The following CABLES2 variants were observed in gnomAD, a reference collection of about 807,000 sequenced individuals.
The protein encoded by CABLES2 is Cdk5 and Abl enzyme substrate 2.
Under a neutral mutation model 44.8 loss-of-function variants are expected in CABLES2, and 35 were observed. The observed-to-expected ratio is 0.78, with a 90% confidence interval of 0.60 to 1.04. The LOEUF is 1.04. Ranked by LOEUF, CABLES2 falls within the 50% of genes least tolerant of loss-of-function variation. The pLI is 0.00. For synonymous variants in CABLES2, 282 were observed against 281.1 expected, an observed-to-expected ratio of 1.00 and a Z score of -0.03; for missense variants, 566 against 615.7, an observed-to-expected ratio of 0.92 and a Z score of 0.85.
rs1423656050 is a variant in CABLES2, at chr20:62,396,539, C to A, written c.416G>T (p.Gly139Val). ...CSLEFLEDAV[G>V]CAPAQRTKHT... The stretch of plus-strand genomic sequence containing the variant: ...CGTGTACCTCTGTGCTGGAGCGCAT[C>A]CCACGGCATCTTCCAGAAACTCCAG... Residue 139 changes from glycine (G) to valine (V), a missense_variant, in exon 2 of 10, where the codon GGA becomes GTA. Gly to Val is a moderately radical substitution (Grantham distance 109). Around this residue, in one of 2 missense-constraint regions of CABLES2, gnomAD observed 436 missense variants for 536.3 expected, o/e 0.81. Transcript: ENST00000279101. This position sits in a 1 kb window ranked among gnomAD's most constrained non-coding sequence, Gnocchi z 5.7. 6.2e-7 allele frequency: 1 copy of A among 1,613,676 alleles called. No homozygotes were observed. Among genetic ancestry groups the A allele is most frequent in the Non-Finnish European group, 8.5e-7 (1 of 1,179,958 alleles).
At chr20:62,398,402 T>C (rs1228958241) in intron 1 of CABLES2, among the ~76,000 whole-genome samples, 1 of 145,468 alleles carries the variant, frequency 6.9e-6, no homozygotes, top group Non-Finnish European at 1.5e-5. Flanking sequence ...TGCAGGGTGC[T>C]GTGTGGTTTA....
chr20:62,393,949 G>A lies in CABLES2; in HGVS notation c.714+208C>T, dbSNP rs372172090. ...CACCTGGCTGTGGGGCAGTGGCGCA[G>A]ACCTCAGGCACGGCCAGGCGGGGGA... On this transcript the variant is annotated intron_variant, in intron 5 of 9. Coordinates refer to ENST00000279101, the MANE Select transcript of CABLES2 (RefSeq NM_031215.3). 3.3e-5 allele frequency among the ~76,000 whole-genome samples: 5 copies of A among 152,328 alleles called. No homozygotes were observed. The South Asian group carries it at 8.3e-4, about 25-fold the overall frequency.
In CABLES2 at chr20:62,390,933, G is replaced by A; in HGVS notation, c.*38C>T. On this transcript the variant is annotated 3_prime_UTR_variant, in exon 10 of 10. Transcript: ENST00000279101. ...AGTGGGACACCTCCCAGGCCGGCAA[G>A]TGCACCTCGGTGCCCTGAGCCTTCT... is the stretch of plus-strand genomic sequence containing the variant. 6.2e-6 allele frequency: 10 copies of A among 1,607,342 alleles called. No homozygotes were observed. Among genetic ancestry groups the A allele is most frequent in the Non-Finnish European group, 8.5e-6 (10 of 1,174,676 alleles).
intron 5 of CABLES2, 105 bp from the exon 6 acceptor site, chr20:62,393,710 T>G: frequency 7.8e-7 from 1 of 1,280,910 alleles, no homozygotes; most frequent in Non-Finnish European, 1.1e-6. Flanking sequence ...GAGCCCTGCA[T>G]GGAAAATGAA....
intron 1 of CABLES2, among the ~76,000 whole-genome samples, chr20:62,398,202 G>GGTGGTGATGGTGA (rs879730947): frequency 1.8e-5 from 2 of 112,556 alleles, no homozygotes; most frequent in Non-Finnish European, 3.7e-5. Context: ...GATGATGGTG[G>GGTGGTGATGGTGA]TGATGGTGAT....
At chr20:62,393,214 G>T (rs954092556) in intron 6 of CABLES2, among the ~76,000 whole-genome samples, 191 bp from the exon 7 acceptor site, 1 of 152,278 alleles carries the variant, frequency 6.6e-6, no homozygotes, top group Non-Finnish European at 1.5e-5. Context: ...CCTCCCTGGA[G>T]TCATCTGTGG....
intron 1 of CABLES2, among the ~76,000 whole-genome samples, chr20:62,399,792 C>T (rs1988155311): frequency 6.6e-6 from 1 of 151,768 alleles, no homozygotes; most frequent in South Asian, 2.1e-4. Flanking sequence ...TGGGGTTTCA[C>T]CATGTTGGCC....
chr20:62,397,523 C>T (rs1988041589), intron 1 of CABLES2, among the ~76,000 whole-genome samples: 1 of 152,228 alleles, frequency 6.6e-6, no homozygotes, highest in South Asian at 2.1e-4. Context: ...ATGCCCACTG[C>T]TCCTCAGACC....
intron 3 of CABLES2, among the ~76,000 whole-genome samples, chr20:62,395,403 A>C (rs887696193): frequency 6.6e-6 from 1 of 152,050 alleles, no homozygotes; most frequent in Non-Finnish European, 1.5e-5. Context: ...GGCGAGGCCA[A>C]GGGCTGCCTC....
intron 1 of CABLES2, among the ~76,000 whole-genome samples, chr20:62,398,840 C>A (rs1301712390): frequency 2.0e-5 from 3 of 152,268 alleles, no homozygotes; most frequent in Non-Finnish European, 2.9e-5. Context: ...GACAACCACA[C>A]CCATTTATCA....
chr20:62,393,717 TGAAGG>T, intron 5 of CABLES2, 112 bp from the exon 6 acceptor site: 1 of 1,176,936 alleles, frequency 8.5e-7, no homozygotes, highest in Non-Finnish European at 1.2e-6. Context: ...GCATGGAAAA[TGAAGG>T]GAACAACTCA....
At position 62,388,818 on chromosome 20, in the gene CABLES2, C is replaced by T. The variant is rs1292553761; in HGVS notation, c.*2153G>A. 1.5e-5 allele frequency: 5 copies of T among 340,268 alleles called. No individual in the cohort carries two copies. Among genetic ancestry groups the T allele is most frequent in the East Asian group, 1.4e-4 (2 of 14,300 alleles). The allele number at this position is 340,268 out of a possible 1,614,324, so 21.1% of individuals were successfully genotyped here. ...GTCACAGCCGAGCTGAACACCTTAG[C>T]TCCGACACCTGGATGTGTTCTAGAG... On this transcript the variant is annotated 3_prime_UTR_variant, in exon 10 of 10. Transcript: ENST00000279101.
At chr20:62,395,687 C>T (rs1298045479) in intron 3 of CABLES2, among the ~76,000 whole-genome samples, 6 of 152,376 alleles carry the variant, frequency 3.9e-5, no homozygotes, top group East Asian at 1.9e-4. Flanking sequence ...CTGGCACTCA[C>T]GTCTGCTGGG....
rs374972236 is a variant in CABLES2, at chr20:62,390,408, G to A, written c.*563C>T. ...CAGTGAGGTGGGCGGAGAAAGCTCT[G>A]GAGGAGCTCGGCTTCAGGTGGCAGG... is the stretch of plus-strand genomic sequence containing the variant. On this transcript the variant is annotated 3_prime_UTR_variant, in exon 10 of 10. Coordinates refer to ENST00000279101, the MANE Select transcript of CABLES2 (RefSeq NM_031215.3). The A allele has an allele frequency of 6.4e-6, 1 of 155,114 alleles. No homozygotes were observed. The highest frequency in any genetic ancestry group is 1.9e-4 in the East Asian group (1 of 5,242). 9.6% of individuals were successfully genotyped at this position (155,114 alleles called of 1,614,324 possible).
rs1569017498 is a variant in CABLES2, at chr20:62,398,074, T to TGGTGGTGGTGGTGATGGTGGTGGC, written c.363-1483_363-1482insGCCACCACCATCACCACCACCACC. On this transcript the variant is annotated intron_variant, in intron 1 of 9. Coordinates refer to ENST00000279101, the MANE Select transcript of CABLES2 (RefSeq NM_031215.3). ...GTGATGGCGATGGTGGTGGTGACGG[T>TGGTGGTGGTGGTGATGGTGGTGGC]GGTGGTGGTGGTGACGGTGGTGGTG... is the stretch of plus-strand genomic sequence containing the variant. Among the ~76,000 whole-genome samples the TGGTGGTGGTGGTGATGGTGGTGGC allele has an allele frequency of 7.7e-5, 3 of 39,200 alleles. 1 individual carries two copies. In the East Asian group the frequency reaches 2.9e-3, roughly 38 times the overall value. The allele number at this position is 39,200 out of a possible 152,430, so 25.7% of individuals were successfully genotyped here.
Position 62,388,732 on chromosome 20 carries a change from T to C in CABLES2, c.*2239A>G, listed in dbSNP as rs567943240. On this transcript the variant is annotated 3_prime_UTR_variant, in exon 10 of 10. Transcript: ENST00000279101. ...CATTCTGAGGTCTGATACTTGCTTATGCACACTGACATCCACAACTGCTAC... is the reference window on the plus strand; with the variant it reads ...CATTCTGAGGTCTGATACTTGCTTACGCACACTGACATCCACAACTGCTAC... 44 of 541,786 alleles carry C rather than the reference T, an allele frequency of 8.1e-5. 1 individual carries two copies. The Admixed American group carries it at 1.2e-3, about 15-fold the overall frequency. The allele number at this position is 541,786 out of a possible 1,614,324, so 33.6% of individuals were successfully genotyped here.
chr20:62,392,395 A>C lies in CABLES2; in HGVS notation c.1085T>G (p.Ile362Ser). The C allele has an allele frequency of 6.2e-7, 1 of 1,613,150 alleles. No individual in the cohort carries two copies. Among genetic ancestry groups the C allele is most frequent in the Non-Finnish European group, 8.5e-7 (1 of 1,179,370 alleles). Reference sequence around the variant, plus strand: ...TCTGAGAGGGTGTCCTCACCTCCTGATTTTGCTCAGCGTCAGTTTGACATG... The same window carrying C: ...TCTGAGAGGGTGTCCTCACCTCCTGCTTTTGCTCAGCGTCAGTTTGACATG... Reference protein sequence around the residue: ...FPHVKLTLSKIRSLKREMRSL... With the variant: ...FPHVKLTLSKSRSLKREMRSL... Residue 362 changes from isoleucine (I) to serine (S), a missense_variant, in exon 8 of 10, where the codon ATC (isoleucine) becomes AGC (serine). Ile to Ser is a moderately radical substitution (Grantham distance 142, BLOSUM62 -2). Coordinates refer to ENST00000279101, the MANE Select transcript of CABLES2 (RefSeq NM_031215.3).
At chr20:62,392,518 T>C (rs1987938367) in intron 7 of CABLES2, 23 bp from the exon 8 acceptor site, 2 of 1,561,676 alleles carry the variant, frequency 1.3e-6, no homozygotes, top group East Asian at 2.2e-5. Flanking sequence ...GTGGGCAGGG[T>C]TGGGCCGGCC....
At chr20:62,401,835 G>A (rs1464153962) in intron 1 of CABLES2, among the ~76,000 whole-genome samples, 1 of 152,190 alleles carries the variant, frequency 6.6e-6, no homozygotes, top group Non-Finnish European at 1.5e-5. Context: ...CAAATGCACT[G>A]AGCTGCACGC....
Sources: allele counts gnomAD v4.1 joint callset (sites outside exome capture counted in the v4.1 genomes callset), GRCh38; gene constraint gnomAD v4.1.1; regional missense constraint gnomAD v4.1.1; non-coding constraint Gnocchi (gnomAD v3.1); transcripts MANE v1.5; gene names NCBI Gene and HGNC (gene_info 2026-07-23, HGNC 2026-07-21).